FRY: variants seen among roughly 807,000 people sequenced by gnomAD.
FRY encodes FRY microtubule binding protein, also known as protein furry homolog.
In FRY, 128 loss-of-function variants were observed where a neutral mutation model predicts 348.4. That is an observed-to-expected ratio of 0.37 (90% CI 0.32 to 0.43). The LOEUF (loss-of-function observed/expected upper bound fraction) is 0.43, where lower values mean the gene tolerates loss of function less well. FRY is among the 20% of genes least tolerant of loss of function. The pLI is 1.00. For missense variants in FRY, 2,736 were observed against 3,695.2 expected (o/e 0.74, Z 6.73); for synonymous variants, 1,370 against 1,374.7 (o/e 1.00, Z 0.08).
chr13:32,187,421 A>G, intron 27 of FRY, 125 bp from the exon 28 acceptor site: 1 of 696,442 alleles, frequency 1.4e-6, no homozygotes, highest in Non-Finnish European at 2.7e-6. Flanking sequence ...AATCATGGGG[A>G]AATAAGTGTC....
At chr13:32,136,165 A>T (rs138118490) in intron 10 of FRY, among the ~76,000 whole-genome samples, 1 of 152,096 alleles carries the variant, frequency 6.6e-6, no homozygotes, top group Non-Finnish European at 1.5e-5. Flanking sequence ...ATAAAGGTCT[A>T]TTACATCTGG....
At chr13:32,188,234 G>A (rs530407454) in intron 28 of FRY, among the ~76,000 whole-genome samples, 19 of 152,102 alleles carry the variant, frequency 1.2e-4, no homozygotes, top group East Asian at 9.6e-4. Flanking sequence ...GACATTTTTC[G>A]AAGTCTTTGC....
rs200103494 is a variant in FRY, at chr13:32,136,965, A to C, written c.1172A>C (p.Asn391Thr). Residue 391 changes from asparagine (N) to threonine (T), a missense_variant, in exon 11 of 61, where the codon AAC (asparagine) becomes ACC (threonine). This residue lies in a region of FRY where 191 missense variants were observed against 370.2 expected (regional missense o/e 0.52). Coordinates refer to ENST00000542859, the MANE Select transcript of FRY (RefSeq NM_023037.3). The stretch of plus-strand genomic sequence containing the variant: ...ATTTTCCTCAACAACTGCTTGTCCA[A>C]CCTTAAAGTTAGTATTTGTCAGCTC... ...WHIFLNNCLS[N>T]LKNKDPKMAR... 1 of 1,556,494 alleles carries C rather than the reference A, an allele frequency of 6.4e-7. No individual in the cohort carries two copies. The highest frequency in any genetic ancestry group is 1.4e-5 in the African/African-American group (1 of 73,850).
chr13:32,073,544 GGT>G (rs35631279), intron 1 of FRY, among the ~76,000 whole-genome samples: 93 of 147,738 alleles, frequency 6.3e-4, no homozygotes, highest in Admixed American at 8.8e-4. Context: ...TATGTGGGCG[GGT>G]GTGTGTGTGT....
At position 32,194,193 on chromosome 13, in the gene FRY, T is replaced by A. The variant is rs1883535491; in HGVS notation, c.3642T>A (p.Pro1214=). 1.9e-6 allele frequency: 3 copies of A among 1,614,078 alleles called. No individual in the cohort carries two copies. The African/African-American group carries it at 4.0e-5, about 22-fold the overall frequency. The change falls in exon 29 of 61, where the codon CCT becomes CCA. Residue 1214 remains proline (P), a synonymous_variant. Coordinates refer to ENST00000542859, the MANE Select transcript of FRY (RefSeq NM_023037.3). ...TTGTCTTGCTACTGGAACTTAATCC[T>A]GACCAAATAAATCTTTTTAACTGGG... ...EVVVLLLELN[P]DQINLFNWAI...
rs574199236 is a variant in FRY, at chr13:32,248,944, G to T, written c.7009-582G>T. ...CTGCCACTGCCGAGGTCAAGCCCATGAGCTGGTGTCTGCAGAGGAGGCCTG... is the reference window on the plus strand; with the variant it reads ...CTGCCACTGCCGAGGTCAAGCCCATTAGCTGGTGTCTGCAGAGGAGGCCTG... On this transcript the variant is annotated intron_variant, in intron 48 of 60. Coordinates refer to ENST00000542859, the MANE Select transcript of FRY (RefSeq NM_023037.3). Among the ~76,000 whole-genome samples the T allele has an allele frequency of 2.1e-4, 32 of 152,318 alleles. No homozygotes were observed. The South Asian group carries it at 6.6e-3, about 32-fold the overall frequency.
rs374212761 is a variant in FRY, at chr13:32,274,930, G to C, written c.8225G>C (p.Ser2742Thr). The change falls in exon 56 of 61, where the codon AGC becomes ACC. Residue 2742 changes from serine to threonine, a missense_variant. Ser to Thr is a moderately conservative substitution (Grantham distance 58, BLOSUM62 1). Transcript: ENST00000542859. ...CGGGGAATCGGATCCAAATTTGTCA[G>C]CTCTTCCCAGATGCTCACCTCCTGC... ...NLRGIGSKFV[S>T]SSQMLTSCSE... 39 of 1,613,336 alleles carry C rather than the reference G, an allele frequency of 2.4e-5. No individual in the cohort carries two copies. In the African/African-American group the frequency reaches 4.9e-4, roughly 20 times the overall value.
At chr13:32,093,471 T>C (rs779188796) in intron 2 of FRY, among the ~76,000 whole-genome samples, 45 of 152,206 alleles carry the variant, frequency 3.0e-4, no homozygotes, top group African/African-American at 1.1e-3. Flanking sequence ...TCAGTCTGGA[T>C]GTGGCTGATT....
At chr13:32,146,180 CA>C (rs1880433909) in intron 11 of FRY, among the ~76,000 whole-genome samples, 2 of 58,958 alleles carry the variant, frequency 3.4e-5, no homozygotes, top group African/African-American at 1.9e-4. Context: ...TCCCTCCCAC[CA>C]TTTTTTTTTT....
At chr13:32,057,263 C>A (rs985750823) in intron 1 of FRY, among the ~76,000 whole-genome samples, 9 of 152,000 alleles carry the variant, frequency 5.9e-5, no homozygotes, top group African/African-American at 1.7e-4. Context: ...CTTCTGTCTC[C>A]CGGTTTCAAG....
intron 2 of FRY, among the ~76,000 whole-genome samples, chr13:32,087,172 C>T (rs1875930255): frequency 6.6e-6 from 1 of 152,206 alleles, no homozygotes; most frequent in African/African-American, 2.4e-5. Context: ...TATTGCATCA[C>T]ACATCATGAA....
In FRY at chr13:32,121,921, T is replaced by TCCC. The variant is rs1317584502; in HGVS notation, c.465-2365_465-2364insCCC. 2.0e-5 allele frequency among the ~76,000 whole-genome samples: 3 copies of TCCC among 152,214 alleles called. No homozygotes were observed. The East Asian group carries it at 5.8e-4, about 29-fold the overall frequency. ...ATTTTTATAGTTTCAGGTCTTAGGT[T>TCCC]TAAGTCCTTAATCCATCTTGAGTTG... On this transcript the variant is annotated intron_variant, in intron 4 of 60. Coordinates refer to ENST00000542859, the MANE Select transcript of FRY (RefSeq NM_023037.3).
At chr13:32,247,156 A>G (rs1002590834) in intron 47 of FRY, among the ~76,000 whole-genome samples, 167 bp from the exon 48 acceptor site, 1 of 152,146 alleles carries the variant, frequency 6.6e-6, no homozygotes, top group Non-Finnish European at 1.5e-5. Flanking sequence ...TTTTATATAT[A>G]CATTGTCTTT....
At chr13:32,178,522 TATC>T (rs1882504780) in intron 21 of FRY, 86 bp downstream of exon 21, 1 of 1,391,834 alleles carries the variant, frequency 7.2e-7, no homozygotes, top group Admixed American at 2.0e-5. Flanking sequence ...ATTGGGATGT[TATC>T]ATCCCAATTT....
intron 2 of FRY, among the ~76,000 whole-genome samples, chr13:32,094,266 C>T (rs921036499): frequency 5.9e-5 from 9 of 151,920 alleles, no homozygotes; most frequent in African/African-American, 2.2e-4. Flanking sequence ...TTATAGGGTA[C>T]ATGAGATGTT....
At chr13:32,080,844 A>G (rs1875435570) in intron 2 of FRY, among the ~76,000 whole-genome samples, 1 of 152,206 alleles carries the variant, frequency 6.6e-6, no homozygotes, top group East Asian at 1.9e-4. Context: ...TGACAGGTCT[A>G]GTCTCTTTGA....
chr13:32,072,193 G>A (rs528417326), intron 1 of FRY, among the ~76,000 whole-genome samples: 94 of 152,292 alleles, frequency 6.2e-4, no homozygotes, highest in African/African-American at 2.2e-3. Flanking sequence ...TAAGTGAAAG[G>A]AGGAATGTAT....
chr13:32,193,291 C>T (rs1354454736), intron 28 of FRY, among the ~76,000 whole-genome samples: 1 of 151,556 alleles, frequency 6.6e-6, no homozygotes, highest in Non-Finnish European at 1.5e-5. Flanking sequence ...ATTTAGTAAC[C>T]AATCCTCATA....
intron 51 of FRY, 31 bp from the exon 52 acceptor site, chr13:32,261,585 C>A: frequency 3.2e-6 from 5 of 1,586,814 alleles, no homozygotes; most frequent in Non-Finnish European, 4.3e-6. Flanking sequence ...AGGATTTTGG[C>A]ATAAAAAACC....
Sources: gnomAD v4.1 joint callset for allele counts (sites outside exome capture counted in the v4.1 genomes callset) on GRCh38, gnomAD v4.1.1 for gene constraint, gnomAD v4.1.1 regional missense constraint, MANE v1.5 for transcripts, NCBI Gene and HGNC (gene_info 2026-07-23, HGNC 2026-07-21) for gene names.